Variants in MTUS2 observed in about 807,000 individuals in gnomAD.
The protein encoded by MTUS2 is microtubule-associated tumor suppressor candidate 2.
In MTUS2, 40 loss-of-function variants were observed where a neutral mutation model predicts 114.1. The ratio of observed to expected loss-of-function variants is 0.35; its 90% CI spans 0.27 to 0.46. MTUS2 has a LOEUF of 0.46. Ranked by LOEUF, MTUS2 falls within the 20% of genes least tolerant of loss-of-function variation. The pLI is 1.00. For synonymous variants in MTUS2, 688 were observed against 672.0 expected (o/e 1.02, Z -0.37); for missense variants, 1,679 against 1,705.4 (o/e 0.98, Z 0.27).
At chr13:28,984,516 C>G (rs538811420) in intron 2 of MTUS2, among the ~76,000 whole-genome samples, 1 of 152,348 alleles carries the variant, frequency 6.6e-6, no homozygotes, top group East Asian at 1.9e-4. Flanking sequence ...AGTGCTGCAT[C>G]ACAGCTTGCA....
intron 5 of MTUS2, among the ~76,000 whole-genome samples, chr13:29,227,318 G>A (rs1038256379): frequency 5.3e-5 from 8 of 150,574 alleles, no homozygotes; most frequent in East Asian, 3.9e-4. Flanking sequence ...AAGAAAACCC[G>A]TGGTGTTATG....
intron 7 of MTUS2, among the ~76,000 whole-genome samples, chr13:29,338,545 A>T (rs1901206500): frequency 6.6e-6 from 1 of 152,104 alleles, no homozygotes; most frequent in Non-Finnish European, 1.5e-5. Flanking sequence ...AGCTGAGATA[A>T]TGCCATTGCA....
chr13:29,354,699 G>C (rs981138301), intron 7 of MTUS2, among the ~76,000 whole-genome samples: 1 of 152,174 alleles, frequency 6.6e-6, no homozygotes, highest in Non-Finnish European at 1.5e-5. Context: ...CTTAAGACCA[G>C]CTGGAAGGAA....
rs375864143 is a variant in MTUS2 at position 29,257,004 on chromosome 13, G to A, written c.2645-24700G>A. Among the ~76,000 whole-genome samples the A allele has an allele frequency of 3.3e-5, 5 of 152,108 alleles. No individual in the cohort carries two copies. The East Asian group carries it at 7.7e-4, about 23-fold the overall frequency. ...TGTTGCAAAATAAAAGGTGGACCTC[G>A]GTATTCTTTACTATATACATATATG... On this transcript the variant is annotated intron_variant, in intron 5 of 15. Coordinates refer to ENST00000612955, the MANE Select transcript of MTUS2 (RefSeq NM_001033602.4).
intron 2 of MTUS2, among the ~76,000 whole-genome samples, chr13:29,012,731 G>A (rs1593382092): frequency 6.6e-6 from 1 of 151,992 alleles, no homozygotes; most frequent in South Asian, 2.1e-4. Flanking sequence ...AAAATTAGCC[G>A]GGCATGGTGG....
At chr13:29,183,702 G>A (rs1222412608) in intron 5 of MTUS2, among the ~76,000 whole-genome samples, 2 of 152,194 alleles carry the variant, frequency 1.3e-5, no homozygotes, top group Admixed American at 1.3e-4. Flanking sequence ...AGTGAAGTTG[G>A]AGGGAAACTA....
intron 6 of MTUS2, among the ~76,000 whole-genome samples, chr13:29,299,817 C>T (rs1466756855): frequency 6.6e-6 from 1 of 151,888 alleles, no homozygotes; most frequent in African/African-American, 2.4e-5. Flanking sequence ...TTTTTCCAAG[C>T]CCTCTATGGA....
At chr13:29,088,192 T>C (rs757462701) in intron 4 of MTUS2, among the ~76,000 whole-genome samples, 9 of 152,192 alleles carry the variant, frequency 5.9e-5, no homozygotes, top group Non-Finnish European at 1.3e-4. Flanking sequence ...TTTTCATTAG[T>C]TTCAAAGACT....
At chr13:28,868,356 C>A (rs559723627) in intron 2 of MTUS2, among the ~76,000 whole-genome samples, 1 of 152,336 alleles carries the variant, frequency 6.6e-6, no homozygotes, top group African/African-American at 2.4e-5. Flanking sequence ...TAGTCAGTGG[C>A]AACACTGGTG....
chr13:29,208,593 G>T (rs1309948142), intron 5 of MTUS2, among the ~76,000 whole-genome samples: 2 of 151,590 alleles, frequency 1.3e-5, no homozygotes, highest in African/African-American at 4.8e-5. Flanking sequence ...TCTTAATGCT[G>T]GTTTTGTTGT....
intron 3 of MTUS2, among the ~76,000 whole-genome samples, chr13:29,028,262 A>G (rs1159216989): frequency 6.6e-6 from 1 of 152,140 alleles, no homozygotes; most frequent in Non-Finnish European, 1.5e-5. Flanking sequence ...GAGGCAGGAG[A>G]ATTGCTCGAA....
At chr13:29,057,807 A>G (rs1425198802) in intron 4 of MTUS2, among the ~76,000 whole-genome samples, 2 of 152,032 alleles carry the variant, frequency 1.3e-5, no homozygotes, top group African/African-American at 4.8e-5. Flanking sequence ...TTCAAAATTA[A>G]TATTGTTATG....
At chr13:29,274,736 C>A (rs1008235363) in intron 5 of MTUS2, among the ~76,000 whole-genome samples, 1 of 151,610 alleles carries the variant, frequency 6.6e-6, no homozygotes, top group Non-Finnish European at 1.5e-5. Context: ...TATAAAAATT[C>A]TTTTTGTTTT....
intron 2 of MTUS2, among the ~76,000 whole-genome samples, chr13:28,992,953 T>C (rs1419174013): frequency 2.0e-5 from 3 of 152,176 alleles, no homozygotes; most frequent in Admixed American, 1.3e-4. Context: ...CTAGGTACCT[T>C]ATGTGAGTGG....
At chr13:29,064,390 GT>G (rs59916653) in intron 4 of MTUS2, among the ~76,000 whole-genome samples, 109 of 107,960 alleles carry the variant, frequency 1.0e-3, no homozygotes, top group South Asian at 2.7e-3. Context: ...ACGTTTGGAG[GT>G]TTTTTTTTTT....
chr13:29,387,967 G>T (rs1872740554), intron 8 of MTUS2, among the ~76,000 whole-genome samples: 2 of 152,046 alleles, frequency 1.3e-5, no homozygotes, highest in African/African-American at 4.8e-5. Context: ...ACACAATTGG[G>T]CCATCGCTTC....
chr13:29,025,914 G>T lies in MTUS2; in HGVS notation c.1216G>T (p.Ala406Ser), dbSNP rs369184537. Residue 406 changes from alanine to serine, a missense_variant, in exon 3 of 16, where the codon GCT (alanine) becomes TCT (serine). Ala to Ser is a moderately conservative substitution (Grantham distance 99). Coordinates refer to ENST00000612955, the MANE Select transcript of MTUS2 (RefSeq NM_001033602.4). ...PKQGSASLGG[A>S]DNQPTGKISP... ...ACAGGGCTCTGCTTCCTTAGGAGGG[G>T]CTGATAATCAGCCCACTGGCAAAAT... The T allele has an allele frequency of 6.2e-7, 1 of 1,613,770 alleles. No individual in the cohort carries two copies. Among genetic ancestry groups the T allele is most frequent in the Non-Finnish European group, 8.5e-7 (1 of 1,179,752 alleles).
chr13:29,074,398 C>T (rs960128544), intron 4 of MTUS2, among the ~76,000 whole-genome samples: 2 of 152,176 alleles, frequency 1.3e-5, no homozygotes, highest in African/African-American at 4.8e-5. Context: ...CGTCATGCCA[C>T]TTAGCACCCT....
At chr13:29,022,293 G>A (rs1484057457) in intron 2 of MTUS2, among the ~76,000 whole-genome samples, 1 of 152,186 alleles carries the variant, frequency 6.6e-6, no homozygotes, top group East Asian at 1.9e-4. Context: ...CAGTGAGGAG[G>A]AGCATGAGGA....
Sources: allele counts gnomAD v4.1 joint callset (sites outside exome capture counted in the v4.1 genomes callset), GRCh38; gene constraint gnomAD v4.1.1; transcripts MANE v1.5; gene names NCBI Gene and HGNC (gene_info 2026-07-23, HGNC 2026-07-21).